The following ENTREP2 variants were observed in gnomAD, a reference collection of about 807,000 sequenced individuals.
The protein encoded by ENTREP2 is protein ENTREP2.
At chr15:29,403,589 T>C in the ENTREP2 span, among the ~76,000 whole-genome samples, 2 of 152,164 alleles carry the variant, frequency 1.3e-5, no homozygotes, top group Admixed American at 1.3e-4. Context: ...ACTGAAGCTG[T>C]CTGGTAGACA....
chr15:29,454,696 C>T, the ENTREP2 span, among the ~76,000 whole-genome samples: 3 of 152,142 alleles, frequency 2.0e-5, no homozygotes, highest in African/African-American at 2.4e-5. Flanking sequence ...CCAGGGCCTG[C>T]GAACAGCCAC....
At chr15:29,515,862 C>A in the ENTREP2 span, among the ~76,000 whole-genome samples, 1 of 152,148 alleles carries the variant, frequency 6.6e-6, no homozygotes, top group Non-Finnish European at 1.5e-5. Flanking sequence ...ACCAAACTCT[C>A]TGCAGTGGTA....
the ENTREP2 span, among the ~76,000 whole-genome samples, chr15:29,574,404 G>A: frequency 2.6e-5 from 4 of 152,002 alleles, no homozygotes; most frequent in Non-Finnish European, 4.4e-5. Context: ...AGCGATTCTC[G>A]TGCCTCAGCC....
chr15:29,563,226 G>A, the ENTREP2 span, among the ~76,000 whole-genome samples: 4 of 152,112 alleles, frequency 2.6e-5, no homozygotes, highest in Non-Finnish European at 5.9e-5. Context: ...TTGCATTATA[G>A]TTCTAAATAT....
the ENTREP2 span, among the ~76,000 whole-genome samples, chr15:29,595,837 G>A: frequency 1.3e-5 from 2 of 151,930 alleles, no homozygotes; most frequent in African/African-American, 4.8e-5. Flanking sequence ...AATTGTTCTA[G>A]CTTTGGACTT....
the ENTREP2 span, among the ~76,000 whole-genome samples, chr15:29,174,140 T>C: frequency 6.6e-6 from 1 of 152,236 alleles, no homozygotes; most frequent in African/African-American, 2.4e-5. Flanking sequence ...CATCTACAGA[T>C]GTGACTTGTT....
chr15:29,133,058 GC>G, the ENTREP2 span, among the ~76,000 whole-genome samples: 1 of 152,144 alleles, frequency 6.6e-6, no homozygotes, highest in African/African-American at 2.4e-5. Flanking sequence ...CCTGCCCGGT[GC>G]CCCTGCTGGC....
At chr15:29,631,166 T>C in the ENTREP2 span, among the ~76,000 whole-genome samples, 1 of 152,246 alleles carries the variant, frequency 6.6e-6, no homozygotes, top group Non-Finnish European at 1.5e-5. Context: ...GTTTACTTGT[T>C]TCAGGAGTAT....
At chr15:29,313,041 C>T in the ENTREP2 span, among the ~76,000 whole-genome samples, 1 of 152,184 alleles carries the variant, frequency 6.6e-6, no homozygotes, top group Non-Finnish European at 1.5e-5. Context: ...TATGAGTGGT[C>T]TAACAGAAGA....
the ENTREP2 span, among the ~76,000 whole-genome samples, chr15:29,118,978 G>A: frequency 6.6e-6 from 1 of 152,168 alleles, no homozygotes; most frequent in African/African-American, 2.4e-5. Flanking sequence ...GCTCCTTGCT[G>A]TGGGCACTGA....
chr15:29,427,724 TCAC>T, the ENTREP2 span, among the ~76,000 whole-genome samples: 1 of 152,148 alleles, frequency 6.6e-6, no homozygotes, highest in Non-Finnish European at 1.5e-5. Context: ...ACCCATAACT[TCAC>T]CACATCTACA....
the ENTREP2 span, among the ~76,000 whole-genome samples, chr15:29,241,604 A>G: frequency 6.6e-6 from 1 of 152,224 alleles, no homozygotes; most frequent in Non-Finnish European, 1.5e-5. Context: ...AGTTCTATTC[A>G]TTTAAAACCA....
chr15:29,371,644 T>C, the ENTREP2 span, among the ~76,000 whole-genome samples: 32 of 151,902 alleles, frequency 2.1e-4, no homozygotes, highest in Non-Finnish European at 1.5e-5. Flanking sequence ...CATATTGCTA[T>C]GAAAAAAAGC....
At chr15:29,240,574 T>C in the ENTREP2 span, among the ~76,000 whole-genome samples, 2 of 152,096 alleles carry the variant, frequency 1.3e-5, no homozygotes, top group Non-Finnish European at 2.9e-5. Flanking sequence ...TGCCATGGGA[T>C]ATTGCAGCAA....
the ENTREP2 span, chr15:29,381,877 TG>T: frequency 5.9e-5 from 90 of 1,523,102 alleles, 1 homozygote; most frequent in South Asian, 1.0e-3. Flanking sequence ...TCCGAAACCT[TG>T]CATGGGCAAT....
the ENTREP2 span, among the ~76,000 whole-genome samples, chr15:29,576,993 G>A: frequency 9.9e-5 from 15 of 152,084 alleles, 1 homozygote; most frequent in South Asian, 8.3e-4. Context: ...ATTTTTAATG[G>A]AGATGGGGTT....
chr15:29,518,515 G>A, the ENTREP2 span, among the ~76,000 whole-genome samples: 3 of 152,172 alleles, frequency 2.0e-5, no homozygotes, highest in Admixed American at 1.3e-4. Context: ...CCATGGACAT[G>A]AGGAGGGAGA....
the ENTREP2 span, among the ~76,000 whole-genome samples, chr15:29,642,937 G>A: frequency 6.6e-6 from 1 of 152,006 alleles, no homozygotes; most frequent in Admixed American, 6.6e-5. Context: ...AACAAATGGT[G>A]CTGGGACAAC....
At chr15:29,642,129 T>A in the ENTREP2 span, among the ~76,000 whole-genome samples, 1 of 152,160 alleles carries the variant, frequency 6.6e-6, no homozygotes, top group African/African-American at 2.4e-5. Context: ...ATTGACAAGC[T>A]GATTCTAAAA....
Sources: gnomAD v4.1 joint callset for allele counts (sites outside exome capture counted in the v4.1 genomes callset) on GRCh38, gnomAD v4.1.1 for gene constraint, MANE v1.5 for transcripts, NCBI Gene and HGNC (gene_info 2026-07-23, HGNC 2026-07-21) for gene names.